DPYD: variants seen among roughly 807,000 people sequenced by gnomAD.
DPYD encodes dihydropyrimidine dehydrogenase [NADP(+)].
In DPYD, 109 loss-of-function variants were observed where a neutral mutation model predicts 116.2. The ratio of observed to expected loss-of-function variants is 0.94; its 90% CI spans 0.80 to 1.10. DPYD has a LOEUF of 1.10. DPYD is among the 50% of genes least tolerant of loss of function. The pLI, the probability that DPYD is intolerant of heterozygous loss-of-function variation, is 0.00. For missense variants in DPYD, 1,302 were observed against 1,254.5 expected, an observed-to-expected ratio of 1.04 and a Z score of -0.57; for synonymous variants, 440 against 432.0, an observed-to-expected ratio of 1.02 and a Z score of -0.23.
chr1:97,903,581 ATATAAG>A (rs1673469316), intron 1 of DPYD, among the ~76,000 whole-genome samples: 1 of 151,974 alleles, frequency 6.6e-6, no homozygotes, highest in Non-Finnish European at 1.5e-5. Context: ...ATATATTAAC[ATATAAG>A]TATGTTTAAT....
At chr1:97,778,728 GA>G (rs1484700203) in intron 3 of DPYD, among the ~76,000 whole-genome samples, 1 of 152,068 alleles carries the variant, frequency 6.6e-6, no homozygotes, top group Non-Finnish European at 1.5e-5. Context: ...TAGGGTGAAG[GA>G]AAAGGTTTTA....
chr1:97,496,523 A>G (rs1450336894), intron 13 of DPYD, among the ~76,000 whole-genome samples: 1 of 152,076 alleles, frequency 6.6e-6, no homozygotes, highest in Non-Finnish European at 1.5e-5. Flanking sequence ...AAGGGCCTTT[A>G]TTATGTGGTT....
chr1:97,441,035 CAATT>C (rs552166430), intron 14 of DPYD, among the ~76,000 whole-genome samples: 43 of 152,262 alleles, frequency 2.8e-4, no homozygotes, highest in African/African-American at 8.9e-4. Context: ...TTGTTTCTGA[CAATT>C]AATCACACTA....
At chr1:97,194,514 T>C (rs1658612053) in intron 19 of DPYD, among the ~76,000 whole-genome samples, 1 of 151,970 alleles carries the variant, frequency 6.6e-6, no homozygotes. Flanking sequence ...TTTATTTATT[T>C]ATTTATTTAT....
chr1:97,711,882 C>T (rs1662306414), intron 5 of DPYD, among the ~76,000 whole-genome samples: 1 of 151,798 alleles, frequency 6.6e-6, no homozygotes, highest in South Asian at 2.1e-4. Flanking sequence ...TATTCACAAC[C>T]ATATTTTTAC....
At chr1:97,596,422 A>G (rs1557826356) in intron 8 of DPYD, among the ~76,000 whole-genome samples, 1 of 152,214 alleles carries the variant, frequency 6.6e-6, no homozygotes, top group Non-Finnish European at 1.5e-5. Flanking sequence ...CTTTGAAAGG[A>G]AAATAAATGG....
intron 10 of DPYD, among the ~76,000 whole-genome samples, chr1:97,589,503 A>C (rs1284848312): frequency 2.0e-5 from 3 of 152,148 alleles, no homozygotes; most frequent in African/African-American, 7.2e-5. Flanking sequence ...ATGATCGTTA[A>C]GTTTCCTGAG....
chr1:97,736,227 C>A (rs1663932746), intron 4 of DPYD, among the ~76,000 whole-genome samples: 2 of 151,920 alleles, frequency 1.3e-5, no homozygotes, highest in South Asian at 4.1e-4. Context: ...GACTTCCATT[C>A]ATTTTTCAAT....
chr1:97,555,721 G>A (rs540422284), intron 11 of DPYD, among the ~76,000 whole-genome samples: 52 of 151,600 alleles, frequency 3.4e-4, no homozygotes, highest in Admixed American at 7.9e-4. Context: ...CTATACCTTC[G>A]CTCTCTCTCT....
At chr1:97,096,361 T>C (rs1374739756) in intron 21 of DPYD, among the ~76,000 whole-genome samples, 1 of 152,158 alleles carries the variant, frequency 6.6e-6, no homozygotes, top group Non-Finnish European at 1.5e-5. Flanking sequence ...TTCTTTTATT[T>C]CAAATATAAA....
chr1:97,834,302 A>G (rs1383580683), intron 2 of DPYD, among the ~76,000 whole-genome samples: 5 of 152,080 alleles, frequency 3.3e-5, no homozygotes, highest in Admixed American at 2.6e-4. Flanking sequence ...ATTTATTTAG[A>G]ACATAATGGG....
chr1:97,395,628 G>A (rs1672968434), intron 14 of DPYD, among the ~76,000 whole-genome samples: 1 of 151,936 alleles, frequency 6.6e-6, no homozygotes, highest in South Asian at 2.1e-4. Flanking sequence ...TGAAAAAATT[G>A]TTCCCTCCTG....
chr1:97,822,133 C>T lies in DPYD; in HGVS notation c.233+5981G>A, dbSNP rs544301797. On this transcript the variant is annotated intron_variant, in intron 3 of 22. Transcript: ENST00000370192. The stretch of plus-strand genomic sequence containing the variant: ...CCTCAAAAAATTATCTTTACGCCAA[C>T]CAGCCAGATGTAATAGCCACATTTC... Among the ~76,000 whole-genome samples the T allele has an allele frequency of 1.2e-3, 187 of 151,184 alleles. No homozygotes were observed. The Middle Eastern group carries it at 0.024, about 20-fold the overall frequency.
At chr1:97,570,663 C>T (rs2811216) in intron 11 of DPYD, among the ~76,000 whole-genome samples, 2,322 of 151,130 alleles carry the variant, frequency 0.015, 52 homozygotes, top group African/African-American at 0.053. Flanking sequence ...GTACCATTTG[C>T]AATAATAGTG....
intron 3 of DPYD, among the ~76,000 whole-genome samples, chr1:97,748,203 TTAGA>T (rs151057614): frequency 0.013 from 1,996 of 152,284 alleles, 21 homozygotes; most frequent in Middle Eastern, 0.024. Flanking sequence ...AGACGCCTTC[TTAGA>T]TAGAGAAACT....
chr1:97,892,832 T>G (rs902471758), intron 1 of DPYD, among the ~76,000 whole-genome samples: 5 of 151,858 alleles, frequency 3.3e-5, no homozygotes, highest in African/African-American at 1.2e-4. Context: ...GTCCTAAATC[T>G]TACAACTTTC....
intron 20 of DPYD, among the ~76,000 whole-genome samples, chr1:97,186,154 A>AAAAAT (rs1306263136): frequency 2.6e-5 from 4 of 152,204 alleles, no homozygotes; most frequent in Admixed American, 2.6e-4. Context: ...ACTTTCCAGA[A>AAAAAT]AGGAAAAAAA....
rs190427270 is a variant in DPYD, at chr1:97,558,973, T to C, written c.1340-9229A>G. ...TTCTCTGTTGGATTCCCAAATGCTGTACTTTGATTTGCTTATTTATATTCA... is the reference window on the plus strand; with the variant it reads ...TTCTCTGTTGGATTCCCAAATGCTGCACTTTGATTTGCTTATTTATATTCA... On this transcript the variant is annotated intron_variant, in intron 11 of 22. Coordinates refer to ENST00000370192, the MANE Select transcript of DPYD (RefSeq NM_000110.4). Among the ~76,000 whole-genome samples the C allele has an allele frequency of 2.4e-3, 366 of 152,308 alleles. 1 individual carries two copies. Among genetic ancestry groups the C allele is most frequent in the African/African-American group, 8.7e-3 (361 of 41,576 alleles).
intron 18 of DPYD, among the ~76,000 whole-genome samples, chr1:97,285,437 C>T (rs1267208771): frequency 6.6e-6 from 1 of 152,026 alleles, no homozygotes; most frequent in East Asian, 1.9e-4. Context: ...AAAACAAACA[C>T]AAAAAATAAA....
Sources: allele counts gnomAD v4.1 joint callset (sites outside exome capture counted in the v4.1 genomes callset), GRCh38; gene constraint gnomAD v4.1.1; transcripts MANE v1.5; gene names NCBI Gene and HGNC (gene_info 2026-07-23, HGNC 2026-07-21).